The following RCAN1 variants were observed in gnomAD, a reference collection of about 807,000 sequenced individuals.
RCAN1 encodes the protein regulator of calcineurin 1, also known as calcipressin-1.
Under a neutral mutation model 22.9 loss-of-function variants are expected in RCAN1, and 11 were observed. The observed-to-expected ratio is 0.48, with a 90% CI of 0.30 to 0.79. The LOEUF is 0.79. Among genes scored for constraint, RCAN1 ranks in the 30% least tolerant of loss-of-function variants. The probability of loss-of-function intolerance (pLI) is 0.06; values close to 1 mark genes in which losing one functional copy is unlikely to be tolerated. For synonymous variants in RCAN1, 136 were observed against 142.3 expected, an observed-to-expected ratio of 0.96 and a Z score of 0.32; for missense variants, 291 against 337.8, an observed-to-expected ratio of 0.86 and a Z score of 1.09.
intron 1 of RCAN1, among the ~76,000 whole-genome samples, chr21:34,571,634 G>A (rs751457657): frequency 3.5e-4 from 53 of 152,172 alleles, no homozygotes; most frequent in Non-Finnish European, 6.3e-4. Flanking sequence ...ATGGCTCACT[G>A]TAGTGTTACT....
intron 1 of RCAN1, among the ~76,000 whole-genome samples, chr21:34,547,878 AGTCTGTG>A (rs1986210119): frequency 6.6e-6 from 1 of 152,204 alleles, no homozygotes; most frequent in Non-Finnish European, 1.5e-5. Context: ...TAAGTTACCC[AGTCTGTG>A]GTGTTATGTT....
intron 1 of RCAN1, among the ~76,000 whole-genome samples, chr21:34,582,119 G>T (rs1330697475): frequency 3.9e-5 from 6 of 152,110 alleles, no homozygotes; most frequent in Non-Finnish European, 7.4e-5. Flanking sequence ...AGTCTGCCCA[G>T]CATAACCTTT....
intron 1 of RCAN1, among the ~76,000 whole-genome samples, chr21:34,581,104 A>G (rs574150844): frequency 3.3e-4 from 50 of 152,186 alleles, no homozygotes; most frequent in Non-Finnish European, 5.9e-4. Context: ...CTTAGTCTCT[A>G]CAGGGAAAAC....
At chr21:34,578,017 C>A (rs1440777049) in intron 1 of RCAN1, among the ~76,000 whole-genome samples, 1 of 152,072 alleles carries the variant, frequency 6.6e-6, no homozygotes, top group African/African-American at 2.4e-5. Flanking sequence ...AGGTCTGGAG[C>A]CCTGCAGAGG....
At chr21:34,587,715 A>T (rs1987846570) in intron 1 of RCAN1, among the ~76,000 whole-genome samples, 2 of 152,258 alleles carry the variant, frequency 1.3e-5, no homozygotes, top group Non-Finnish European at 2.9e-5. Flanking sequence ...CAGAATAGAA[A>T]CAACAATAAA....
At chr21:34,608,691 T>C (rs941056012) in intron 1 of RCAN1, among the ~76,000 whole-genome samples, 15 of 152,224 alleles carry the variant, frequency 9.9e-5, no homozygotes, top group African/African-American at 3.6e-4. Context: ...ACATTTATTA[T>C]TTAAGCCACT....
chr21:34,574,145 A>C (rs1987327750), intron 1 of RCAN1, among the ~76,000 whole-genome samples: 1 of 152,230 alleles, frequency 6.6e-6, no homozygotes, highest in Non-Finnish European at 1.5e-5. Context: ...CAGAATATCC[A>C]AGACAAAGAA....
intron 1 of RCAN1, among the ~76,000 whole-genome samples, chr21:34,563,794 T>TATAG (rs765741781): frequency 3.9e-3 from 191 of 48,676 alleles, no homozygotes; most frequent in Middle Eastern, 0.048. Context: ...TATATATATA[T>TATAG]AGAGAGAGAG....
In RCAN1 at chr21:34,521,676, G is replaced by A. The variant is rs758957399; in HGVS notation, c.427-18C>T. ...TGTAAGGTCTGAGGAGAGAAAATAA[G>A]CACAGGTCAGTTGTTGCCAGGGAAG... is the stretch of plus-strand genomic sequence containing the variant. On this transcript the variant is annotated intron_variant, in intron 2 of 3. Coordinates refer to ENST00000313806, the MANE Select transcript of RCAN1 (RefSeq NM_004414.7). 1 of 1,593,392 alleles carries A rather than the reference G, an allele frequency of 6.3e-7. No individual in the cohort carries two copies. Among genetic ancestry groups the A allele is most frequent in the Non-Finnish European group, 8.6e-7 (1 of 1,169,476 alleles).
intron 1 of RCAN1, among the ~76,000 whole-genome samples, chr21:34,590,973 A>G (rs1398582074): frequency 6.6e-6 from 1 of 152,194 alleles, no homozygotes; most frequent in East Asian, 1.9e-4. Context: ...GGGTTTGCTT[A>G]TGGAATAAAA....
chr21:34,546,993 TC>T (rs1250128788), intron 1 of RCAN1, among the ~76,000 whole-genome samples: 1 of 152,122 alleles, frequency 6.6e-6, no homozygotes, highest in African/African-American at 2.4e-5. Context: ...AATAAATCTC[TC>T]CCCAAACCCT....
intron 1 of RCAN1, among the ~76,000 whole-genome samples, chr21:34,596,342 T>G (rs529970116): frequency 8.5e-5 from 13 of 152,204 alleles, no homozygotes; most frequent in African/African-American, 3.1e-4. Flanking sequence ...AATGAACGAC[T>G]GGGAGGGAAG....
intron 1 of RCAN1, among the ~76,000 whole-genome samples, chr21:34,596,418 A>C (rs544432909): frequency 6.6e-6 from 1 of 152,254 alleles, no homozygotes; most frequent in South Asian, 2.1e-4. Context: ...AAAGAGAGAA[A>C]GAGTTGGCTA....
chr21:34,613,829 C>A, intron 1 of RCAN1: 1 of 1,482,606 alleles, frequency 6.7e-7, no homozygotes. Flanking sequence ...TGGCAGCAGC[C>A]TTCAACTATA....
intron 1 of RCAN1, among the ~76,000 whole-genome samples, chr21:34,532,056 A>G (rs917866013): frequency 1.3e-5 from 2 of 152,152 alleles, no homozygotes; most frequent in Non-Finnish European, 2.9e-5. Flanking sequence ...CGAATACAGC[A>G]TGGCCAAGAA....
At chr21:34,537,314 T>C (rs1985715586) in intron 1 of RCAN1, among the ~76,000 whole-genome samples, 2 of 152,260 alleles carry the variant, frequency 1.3e-5, no homozygotes, top group African/African-American at 4.8e-5. Flanking sequence ...TCCTAAGAGC[T>C]GTTCCCTTTC....
At position 34,518,018 on chromosome 21, in the gene RCAN1, C is replaced by A; in HGVS notation, c.*66G>T. 6 of 1,579,568 alleles carry A rather than the reference C, an allele frequency of 3.8e-6. No individual in the cohort carries two copies. The highest frequency in any genetic ancestry group is 5.2e-6 in the Non-Finnish European group (6 of 1,158,704). On this transcript the variant is annotated 3_prime_UTR_variant, in exon 4 of 4. Coordinates refer to ENST00000313806, the MANE Select transcript of RCAN1 (RefSeq NM_004414.7). This position sits in a 1 kb window ranked among gnomAD's most constrained non-coding sequence, Gnocchi z 4.2. ...CCACCTCCGAAGAAGTCGTGACCAG[C>A]CACCTCCACAGTAAAAGATTCCTCC...
chr21:34,611,619 A>G lies in RCAN1; in HGVS notation c.252+3141T>C, dbSNP rs1011760866. The stretch of plus-strand genomic sequence containing the variant: ...ACTCTCCAGATCCAACAGACTGGCT[A>G]AGGAGGGGACGGCCAGACCCCCAGG... On this transcript the variant is annotated intron_variant, in intron 1 of 3. Coordinates refer to ENST00000313806, the MANE Select transcript of RCAN1 (RefSeq NM_004414.7). Among the ~76,000 whole-genome samples the G allele has an allele frequency of 3.3e-5, 5 of 152,288 alleles. No individual in the cohort carries two copies. The East Asian group carries it at 7.7e-4, about 23-fold the overall frequency.
intron 1 of RCAN1, among the ~76,000 whole-genome samples, chr21:34,602,615 C>T (rs1988391346): frequency 6.6e-6 from 1 of 152,192 alleles, no homozygotes; most frequent in Admixed American, 6.5e-5. Flanking sequence ...GTGAGGGAAG[C>T]TGTACAAATT....
Sources: gnomAD v4.1 joint callset for allele counts (sites outside exome capture counted in the v4.1 genomes callset) on GRCh38, gnomAD v4.1.1 for gene constraint, Gnocchi (gnomAD v3.1) non-coding constraint, MANE v1.5 for transcripts, NCBI Gene and HGNC (gene_info 2026-07-23, HGNC 2026-07-21) for gene names.